Variants in SLC2A5 observed in about 807,000 individuals in gnomAD.
The protein encoded by SLC2A5 is solute carrier family 2, facilitated glucose transporter member 5.
In SLC2A5, 56 loss-of-function variants were observed where a neutral mutation model predicts 50.3. That is an observed-to-expected ratio of 1.11 (90% CI 0.90 to 1.39). The LOEUF (loss-of-function observed/expected upper bound fraction) is 1.39. Among genes scored for constraint, SLC2A5 ranks in the 40% most tolerant of loss-of-function variants. SLC2A5 has a pLI of 0.00. For synonymous variants in SLC2A5, 269 were observed against 281.9 expected, an observed-to-expected ratio of 0.95 and a Z score of 0.46; for missense variants, 566 against 650.1, an observed-to-expected ratio of 0.87 and a Z score of 1.41.
chr1:9,057,376 G>A (rs1057500412), intron 3 of SLC2A5, 72 bp downstream of exon 3: 18 of 1,046,682 alleles, frequency 1.7e-5, no homozygotes, highest in Non-Finnish European at 2.5e-5. Flanking sequence ...AAGGATTTCA[G>A]TTGTAGGCCT....
chr1:9,039,651 GT>G lies in SLC2A5; in HGVS notation c.896del (p.Tyr299SerfsTer7). On this transcript the variant is annotated frameshift_variant, in exon 8 of 12. Coordinates refer to ENST00000377424, the MANE Select transcript of SLC2A5 (RefSeq NM_003039.3). LOFTEE classifies it high-confidence loss of function. Reference protein sequence around the residue: ...QLSGVNAIYYYADQIYLSAGV... With the variant: ...QLSGVNAIYYXADQIYLSAGV... ...CGGCGCTCAGGTAGATCTGGTCCGC[GT>G]AGTAGTAGATCTGCAAGGCAAGCGC... 6.5e-7 allele frequency: 1 copy of G among 1,548,376 alleles called. No individual in the cohort carries two copies. The highest frequency in any genetic ancestry group is 1.2e-5 in the South Asian group (1 of 83,650).
intron 1 of SLC2A5, among the ~76,000 whole-genome samples, chr1:9,063,685 T>A (rs1345154134): frequency 2.7e-4 from 8 of 29,778 alleles, no homozygotes; most frequent in Admixed American, 6.6e-4. Flanking sequence ...TATTTACTTT[T>A]TTTTTTTTTT....
At chr1:9,083,927 G>A (rs911542521) in intron 2 of SLC2A5, among the ~76,000 whole-genome samples, 4 of 152,024 alleles carry the variant, frequency 2.6e-5, no homozygotes, top group Admixed American at 6.6e-5. Flanking sequence ...GGCGGATCAC[G>A]AGGTCAGGAG....
At position 9,035,828 on chromosome 1, in the gene SLC2A5, G is replaced by C. The variant is rs1438559382; in HGVS notation, c.*1758C>G. 2.0e-5 allele frequency: 3 copies of C among 152,178 alleles called. No individual in the cohort carries two copies. The highest frequency in any genetic ancestry group is 4.4e-5 in the Non-Finnish European group (3 of 68,062). 9.4% of individuals were successfully genotyped at this position (152,178 alleles called of 1,614,324 possible). A position where few individuals can be genotyped will look rare whatever the true frequency, so the allele number is the denominator to read the frequency against. ...CTGGGGAGGCCTCACAATCATGCCAGAAAGCAAAAGGCACGTCTTACCTGG... is the reference window on the plus strand; with the variant it reads ...CTGGGGAGGCCTCACAATCATGCCACAAAGCAAAAGGCACGTCTTACCTGG... On this transcript the variant is annotated 3_prime_UTR_variant, in exon 12 of 12. Transcript: ENST00000377424.
At chr1:9,080,510 T>C (rs1188902913) in intron 2 of SLC2A5, among the ~76,000 whole-genome samples, 1 of 152,214 alleles carries the variant, frequency 6.6e-6, no homozygotes, top group Non-Finnish European at 1.5e-5. Context: ...TTATCGTTGT[T>C]TTTGGTAGTA....
upstream of SLC2A5, among the ~76,000 whole-genome samples, chr1:9,092,126 C>T (rs564704512): frequency 9.9e-5 from 15 of 152,268 alleles, no homozygotes; most frequent in East Asian, 3.9e-4. Context: ...GTACATCAAT[C>T]GGACAAAAGC....
chr1:9,079,369 C>T (rs1201790759), intron 2 of SLC2A5, among the ~76,000 whole-genome samples: 1 of 152,166 alleles, frequency 6.6e-6, no homozygotes, highest in Non-Finnish European at 1.5e-5. Context: ...GGGCGTGCTC[C>T]TGGAGAAGCA....
intron 3 of SLC2A5, among the ~76,000 whole-genome samples, chr1:9,056,158 T>C (rs1380453812): frequency 1.3e-5 from 2 of 152,060 alleles, no homozygotes; most frequent in Admixed American, 1.3e-4. Context: ...CAAGAGGATG[T>C]TAGATCCCAA....
intron 2 of SLC2A5, chr1:9,084,935 T>C (rs1271694654): frequency 1.3e-5 from 2 of 152,318 alleles, no homozygotes; most frequent in Non-Finnish European, 2.9e-5. Context: ...GAAGCTCTGC[T>C]CTAGGCTTTT....
intron 3 of SLC2A5, among the ~76,000 whole-genome samples, chr1:9,052,652 G>A (rs1641607922): frequency 6.6e-6 from 1 of 152,156 alleles, no homozygotes; most frequent in African/African-American, 2.4e-5. Flanking sequence ...GCATGTATTG[G>A]AGGAGAGGTA....
At chr1:9,049,305 G>A (rs1641512500) in intron 3 of SLC2A5, 3 of 406,328 alleles carry the variant, frequency 7.4e-6, no homozygotes, top group South Asian at 1.7e-5. Context: ...ACTATAAAAT[G>A]TTTAAAATGA....
chr1:9,048,007 G>C (rs1003973009), intron 3 of SLC2A5, among the ~76,000 whole-genome samples: 4 of 152,108 alleles, frequency 2.6e-5, no homozygotes, highest in African/African-American at 9.7e-5. Flanking sequence ...TATAGTAAAG[G>C]GTTTTTGAAA....
At chr1:9,084,572 C>T (rs767994344) in intron 2 of SLC2A5, among the ~76,000 whole-genome samples, 38 of 152,314 alleles carry the variant, frequency 2.5e-4, no homozygotes, top group African/African-American at 3.4e-4. Flanking sequence ...AAATCAGCCC[C>T]GGGCCCACCA....
At chr1:9,089,265 A>G (rs947907322), upstream of SLC2A5, among the ~76,000 whole-genome samples, 14 of 152,234 alleles carry the variant, frequency 9.2e-5, no homozygotes, top group African/African-American at 3.4e-4. Flanking sequence ...GCAGCTAATT[A>G]TGAAAAACTT....
intron 3 of SLC2A5, among the ~76,000 whole-genome samples, chr1:9,049,417 G>A (rs564619438): frequency 6.6e-6 from 1 of 152,284 alleles, no homozygotes; most frequent in South Asian, 2.1e-4. Flanking sequence ...AGACAGCGTG[G>A]TACTAGTAAA....
intron 1 of SLC2A5, among the ~76,000 whole-genome samples, chr1:9,068,438 C>G (rs1165842218): frequency 7.1e-6 from 1 of 141,544 alleles, no homozygotes; most frequent in African/African-American, 2.8e-5. Context: ...CTTCTACTTC[C>G]CAGGCCCACT....
chr1:9,082,219 A>C (rs1210283041), intron 2 of SLC2A5, among the ~76,000 whole-genome samples: 4 of 152,220 alleles, frequency 2.6e-5, no homozygotes, highest in Non-Finnish European at 5.9e-5. Context: ...TAAACATAGA[A>C]TTACCATATG....
In SLC2A5 at chr1:9,037,472, A is replaced by T. The variant is rs874378; in HGVS notation, c.*114T>A. ...TGGGGAGGCTGGAGATGAGGACTGC[A>T]TTCCACATCAGAGTTGTTTTATTTC... is the stretch of plus-strand genomic sequence containing the variant. On this transcript the variant is annotated 3_prime_UTR_variant, in exon 12 of 12. Transcript: ENST00000377424. The T allele has an allele frequency of 5.4e-5, 47 of 877,312 alleles. No individual in the cohort carries two copies. The African/African-American group carries it at 6.1e-4, about 11-fold the overall frequency. 54.3% of individuals were successfully genotyped at this position (877,312 alleles called of 1,614,324 possible). A position where few individuals can be genotyped will look rare whatever the true frequency, so the allele number is the denominator to read the frequency against.
chr1:9,059,654 C>T (rs986446469), intron 1 of SLC2A5, among the ~76,000 whole-genome samples: 6 of 151,024 alleles, frequency 4.0e-5, no homozygotes, highest in African/African-American at 7.3e-5. Context: ...CTCAGCCTCC[C>T]GAGTAGCTGA....
Sources: gnomAD v4.1 joint callset for allele counts (sites outside exome capture counted in the v4.1 genomes callset) on GRCh38, gnomAD v4.1.1 for gene constraint, MANE v1.5 for transcripts, NCBI Gene and HGNC (gene_info 2026-07-23, HGNC 2026-07-21) for gene names.